SLC3A2: variants seen among roughly 807,000 people sequenced by gnomAD.
SLC3A2 encodes the protein solute carrier family 3 member 2.
SLC3A2 carries 32 observed loss-of-function variants against 48.5 expected under a neutral mutation model. The ratio of observed to expected loss-of-function variants is 0.66; its 90% CI spans 0.50 to 0.89. The LOEUF (loss-of-function observed/expected upper bound fraction) is 0.89, where lower values mean the gene tolerates loss of function less well. Among genes scored for constraint, SLC3A2 ranks in the 40% least tolerant of loss-of-function variants. The pLI, the probability that SLC3A2 is intolerant of heterozygous loss-of-function variation, is 0.00. For synonymous variants in SLC3A2, 277 were observed against 288.8 expected, an observed-to-expected ratio of 0.96 and a Z score of 0.41; for missense variants, 587 against 680.7, an observed-to-expected ratio of 0.86 and a Z score of 1.53.
exon 1 of SLC3A2, chr11:62,856,349 G>A (rs111884916): frequency 2.5e-6 from 4 of 1,612,980 alleles, no homozygotes; most frequent in Non-Finnish European, 3.4e-6. Context: ...TCGGAGGCTG[G>A]TGTCCAGGGT....
At chr11:62,875,597 G>T (rs1008186978) in intron 1 of SLC3A2, among the ~76,000 whole-genome samples, 4 of 152,040 alleles carry the variant, frequency 2.6e-5, no homozygotes, top group Non-Finnish European at 2.9e-5. Context: ...ATGGAGTTTT[G>T]CTCTTGTTGC....
chr11:62,881,834 G>C lies in SLC3A2; in HGVS notation c.425-59G>C. 1 of 1,578,968 alleles carries C rather than the reference G, an allele frequency of 6.3e-7. No individual in the cohort carries two copies. The highest frequency in any genetic ancestry group is 2.3e-5 in the East Asian group (1 of 44,420). On this transcript the variant is annotated intron_variant, in intron 1 of 8. Transcript: ENST00000338663. The surrounding 1 kb of genome is among the most constrained non-coding windows in gnomAD (Gnocchi z 4.0). Reference sequence around the variant, plus strand: ...CCCTTAGGCGCTGGGAGAAGGGAGGGTGGGGAGGTCAGGGGCCTCTCAGAG... The same window carrying C: ...CCCTTAGGCGCTGGGAGAAGGGAGGCTGGGGAGGTCAGGGGCCTCTCAGAG...
At position 62,864,605 on chromosome 11, in the gene SLC3A2, T is replaced by A. The variant is rs994456787; in HGVS notation, c.112+8224T>A. On this transcript the variant is annotated intron_variant, in intron 1 of 9. Transcript: ENST00000377889. ...CCTCAGCCTTGCGAGTAGCTGGGAT[T>A]ACAGGCGCCCACCACCAAGTCTGGC... Among the ~76,000 whole-genome samples, 4 of 148,488 alleles carry A rather than the reference T, an allele frequency of 2.7e-5. No homozygotes were observed. In the Admixed American group the frequency reaches 2.7e-4, roughly 10 times the overall value.
rs201132753 is a variant in SLC3A2, at chr11:62,884,625, T to C, written c.760-7T>C. ...TCTGGTCCTTGATTCTGCTTTTTTC[T>C]TTCTAGGATGCATCCTCATTCTTGG... On this transcript the variant is annotated splice_polypyrimidine_tract_variant and splice_region_variant and intron_variant, in intron 4 of 8. Coordinates refer to ENST00000338663, the MANE Select transcript of SLC3A2 (RefSeq NM_001013251.3). The C allele has an allele frequency of 3.5e-4, 561 of 1,611,164 alleles. No homozygotes were observed. The highest frequency in any genetic ancestry group is 9.9e-4 in the Middle Eastern group (6 of 6,046).
chr11:62,888,076 T>A, intron 7 of SLC3A2, 59 bp from the exon 8 acceptor site: 1 of 1,468,592 alleles, frequency 6.8e-7, no homozygotes, highest in Non-Finnish European at 9.5e-7. Context: ...GAATTACAGA[T>A]GTGAGCCACC....
intron 1 of SLC3A2, among the ~76,000 whole-genome samples, chr11:62,861,007 C>G (rs575394912): frequency 6.6e-6 from 1 of 152,214 alleles, no homozygotes; most frequent in African/African-American, 2.4e-5. Flanking sequence ...TAGTACAGAT[C>G]AAAATGGAGT....
At chr11:62,875,392 C>CA (rs1019665245) in intron 1 of SLC3A2, among the ~76,000 whole-genome samples, 1 of 151,988 alleles carries the variant, frequency 6.6e-6, no homozygotes, top group African/African-American at 2.4e-5. Flanking sequence ...TAAAAATACA[C>CA]AAAAAAATCA....
In SLC3A2 at chr11:62,881,014, T is replaced by G. The variant is rs746402664; in HGVS notation, c.-10T>G. 1.3e-6 allele frequency: 2 copies of G among 1,557,458 alleles called. No individual in the cohort carries two copies. The stretch of plus-strand genomic sequence containing the variant: ...GCAAGCTGCGTCGTGTCGCCGGTTC[T>G]GCAGGCACCATGAGCCAGGACACCG... On this transcript the variant is annotated 5_prime_UTR_variant, in exon 1 of 9. Transcript: ENST00000338663. The surrounding 1 kb of genome is among the most constrained non-coding windows in gnomAD (Gnocchi z 4.0).
rs2085644425 is a variant in SLC3A2, at chr11:62,881,850, CCT to C, written c.425-39_425-38del. 1.9e-6 allele frequency: 3 copies of C among 1,599,106 alleles called. No homozygotes were observed. The highest frequency in any genetic ancestry group is 2.6e-6 in the Non-Finnish European group (3 of 1,169,680). On this transcript the variant is annotated intron_variant, in intron 1 of 8. Transcript: ENST00000338663. This position sits in a 1 kb window ranked among gnomAD's most constrained non-coding sequence, Gnocchi z 4.0. ...GAAGGGAGGGTGGGGAGGTCAGGGG[CCT>C]CTCAGAGGGGCCTCACTTGTTAACC...
chr11:62,862,515 A>G (rs138238434), intron 1 of SLC3A2, among the ~76,000 whole-genome samples: 45 of 151,732 alleles, frequency 3.0e-4, no homozygotes, highest in African/African-American at 1.0e-3. Context: ...CTTCCTCCCT[A>G]TCGCCACCCC....
Position 62,882,983 on chromosome 11 carries a change from T to C in SLC3A2, c.674T>C (p.Val225Ala). The C allele has an allele frequency of 6.2e-7, 1 of 1,614,162 alleles. No individual in the cohort carries two copies. The highest frequency in any genetic ancestry group is 8.5e-7 in the Non-Finnish European group (1 of 1,179,984). Residue 225 changes from valine (V) to alanine (A), a missense_variant, in exon 3 of 9, where the codon GTG (valine) becomes GCG (alanine). Around this residue, in one of 3 missense-constraint regions of SLC3A2, gnomAD observed 409 missense variants for 446.7 expected, o/e 0.92. Coordinates refer to ENST00000338663, the MANE Select transcript of SLC3A2 (RefSeq NM_001013251.3). Reference protein sequence around the residue: ...NSWFSTQVDTVATKVKDALEF... With the variant: ...NSWFSTQVDTAATKVKDALEF... Reference sequence around the variant, plus strand: ...TGGTTCTCCACTCAGGTTGACACTGTGGCCACCAAGGTGAAGGTGAGTGTT... The same window carrying C: ...TGGTTCTCCACTCAGGTTGACACTGCGGCCACCAAGGTGAAGGTGAGTGTT...
At position 62,888,530 on chromosome 11, in the gene SLC3A2, G is replaced by C; in HGVS notation, c.1427G>C (p.Gly476Ala). ...TTTGGGGATGTGGGCCTCTCGGCTG[G>C]ACTGCAGGCCTCCGACCTGCCTGCC... is the stretch of plus-strand genomic sequence containing the variant. The part of the protein sequence containing the change: ...LNFGDVGLSA[G>A]LQASDLPASA... Residue 476 changes from glycine (G) to alanine (A), a missense_variant, in exon 9 of 9, where the codon GGA (glycine) becomes GCA (alanine). Transcript: ENST00000338663. The C allele has an allele frequency of 1.9e-6, 3 of 1,614,182 alleles. No individual in the cohort carries two copies. The highest frequency in any genetic ancestry group is 2.2e-5 in the South Asian group (2 of 91,084).
intron 1 of SLC3A2, among the ~76,000 whole-genome samples, chr11:62,866,242 C>G (rs895817576): frequency 3.3e-5 from 5 of 151,922 alleles, no homozygotes; most frequent in Admixed American, 6.6e-5. Context: ...CTCGGCCTCC[C>G]AAGTAGCTGG....
chr11:62,868,400 C>G (rs1029219099), intron 1 of SLC3A2, among the ~76,000 whole-genome samples: 3 of 136,436 alleles, frequency 2.2e-5, no homozygotes, highest in Admixed American at 7.7e-5. Context: ...GAGTCTCACT[C>G]TCTTGCCCAG....
intron 1 of SLC3A2, among the ~76,000 whole-genome samples, chr11:62,858,661 C>T (rs1461760950): frequency 1.3e-5 from 2 of 152,104 alleles, no homozygotes; most frequent in Middle Eastern, 3.2e-3. Flanking sequence ...TGGAGGATCC[C>T]GCCAGCCTCT....
chr11:62,884,811 AGCTTTTTTTTT>A, intron 5 of SLC3A2, 121 bp downstream of exon 5: 1 of 88,568 alleles, frequency 1.1e-5, no homozygotes, highest in Non-Finnish European at 2.0e-5. Flanking sequence ...TTCTTTCTTT[AGCTTTTTTTTT>A]TTTTTTTTTT....
chr11:62,885,709 C>T (rs999293834), intron 7 of SLC3A2, 101 bp downstream of exon 7: 60 of 1,329,090 alleles, frequency 4.5e-5, no homozygotes, highest in Middle Eastern at 1.9e-4. Context: ...GGGGTGAAAA[C>T]GCGTTTGATT....
chr11:62,862,093 G>T (rs994968463), intron 1 of SLC3A2, among the ~76,000 whole-genome samples: 2 of 151,768 alleles, frequency 1.3e-5, no homozygotes, highest in African/African-American at 4.8e-5. Flanking sequence ...AAGGCAGGCG[G>T]ATTACCTGAG....
chr11:62,882,355 G>T, intron 2 of SLC3A2: 3 of 328,874 alleles, frequency 9.1e-6, no homozygotes, highest in South Asian at 3.7e-5. Flanking sequence ...AAAACAGTAG[G>T]TTTTTTTGGG....
Sources: allele counts gnomAD v4.1 joint callset (sites outside exome capture counted in the v4.1 genomes callset), GRCh38; gene constraint gnomAD v4.1.1; regional missense constraint gnomAD v4.1.1; non-coding constraint Gnocchi (gnomAD v3.1); transcripts MANE v1.5; gene names NCBI Gene and HGNC (gene_info 2026-07-23, HGNC 2026-07-21).